The following SERPINE2 variants were observed in gnomAD, a reference collection of about 807,000 sequenced individuals.
SERPINE2 encodes the protein glia-derived nexin.
Under a neutral mutation model 36.3 loss-of-function variants are expected in SERPINE2, and 14 were observed. That is an observed-to-expected ratio of 0.39 (90% CI 0.25 to 0.60). The LOEUF is 0.60. Ranked by LOEUF, SERPINE2 falls within the 20% of genes least tolerant of loss-of-function variation. The pLI, the probability that SERPINE2 is intolerant of heterozygous loss-of-function variation, is 0.57. For synonymous variants in SERPINE2, 192 were observed against 191.8 expected, an observed-to-expected ratio of 1.00 and a Z score of -0.01; for missense variants, 418 against 499.6, an observed-to-expected ratio of 0.84 and a Z score of 1.56.
At chr2:224,023,391 A>G (rs1455671930) in intron 1 of SERPINE2, among the ~76,000 whole-genome samples, 1 of 152,214 alleles carries the variant, frequency 6.6e-6, no homozygotes, top group Non-Finnish European at 1.5e-5. Context: ...ATGCAGCACC[A>G]TTTGGTGATC....
rs965735029 is a variant in SERPINE2 at position 224,015,342 on chromosome 2, G to A, written c.-22-13420C>T. 2.6e-5 allele frequency among the ~76,000 whole-genome samples: 4 copies of A among 152,334 alleles called. No homozygotes were observed. The East Asian group carries it at 7.7e-4, about 29-fold the overall frequency. On this transcript the variant is annotated intron_variant, in intron 1 of 8. Coordinates refer to ENST00000409304, the MANE Select transcript of SERPINE2 (RefSeq NM_001136528.2). ...CACACCTGGGCCAGGGTGAGAGGCA[G>A]TGGCCAGGGAAGTGCTCCTGGGAAG...
intron 1 of SERPINE2, among the ~76,000 whole-genome samples, chr2:224,018,004 A>G (rs1691858606): frequency 6.6e-6 from 1 of 152,172 alleles, no homozygotes; most frequent in African/African-American, 2.4e-5. Context: ...TTTCTTTGTT[A>G]TTAGAGGGAG....
intron 1 of SERPINE2, among the ~76,000 whole-genome samples, chr2:224,037,833 A>G (rs1475483844): frequency 6.6e-6 from 1 of 152,234 alleles, no homozygotes; most frequent in African/African-American, 2.4e-5. Flanking sequence ...ATAAAATACG[A>G]TGACATTTTC....
At chr2:223,999,338 T>C (rs1574827304) in intron 2 of SERPINE2, among the ~76,000 whole-genome samples, 2 of 152,162 alleles carry the variant, frequency 1.3e-5, no homozygotes, top group African/African-American at 2.4e-5. Flanking sequence ...TAAAGAGAGC[T>C]CAAATTACAG....
At chr2:224,031,590 C>A (rs1304039850) in intron 1 of SERPINE2, 3 of 720,008 alleles carry the variant, frequency 4.2e-6, no homozygotes, top group Non-Finnish European at 3.4e-6. Context: ...AATCACAGGA[C>A]CTCACTCCTC....
intron 1 of SERPINE2, among the ~76,000 whole-genome samples, chr2:224,015,736 T>G (rs1235836789): frequency 6.6e-6 from 1 of 152,172 alleles, no homozygotes; most frequent in African/African-American, 2.4e-5. Context: ...AAACCCTAAG[T>G]TGACATTAAA....
At chr2:223,993,528 A>ATGTGTGTGTGTGTGTGTGTG (rs1344521820) in intron 3 of SERPINE2, among the ~76,000 whole-genome samples, 1 of 72,452 alleles carries the variant, frequency 1.4e-5, no homozygotes, top group African/African-American at 4.6e-5. Context: ...TAGCTCAAAT[A>ATGTGTGTGTGTGTGTGTGTG]TATGTGTGTG....
chr2:224,011,560 C>T (rs1240014106), intron 1 of SERPINE2, among the ~76,000 whole-genome samples: 1 of 152,164 alleles, frequency 6.6e-6, no homozygotes, highest in Non-Finnish European at 1.5e-5. Flanking sequence ...CCCTGATATG[C>T]CTATGGGCCT....
chr2:224,009,656 C>T (rs1416123765), intron 1 of SERPINE2, among the ~76,000 whole-genome samples: 1 of 151,948 alleles, frequency 6.6e-6, no homozygotes, highest in Non-Finnish European at 1.5e-5. Flanking sequence ...GATTGTGCTA[C>T]TGCACTCCAG....
chr2:224,026,243 G>A (rs1209705634), intron 1 of SERPINE2, among the ~76,000 whole-genome samples: 1 of 152,212 alleles, frequency 6.6e-6, no homozygotes, highest in African/African-American at 2.4e-5. Context: ...CTTTATACAA[G>A]TGGAAAATAA....
At position 224,035,507 on chromosome 2, in the gene SERPINE2, C is replaced by T. The variant is rs551428883; in HGVS notation, c.-23+3592G>A. On this transcript the variant is annotated intron_variant, in intron 1 of 8. Coordinates refer to ENST00000409304, the MANE Select transcript of SERPINE2 (RefSeq NM_001136528.2). ...AAGCGATTCTCCTGCCTCAGCCTCC[C>T]GAGTAGCTGGGATTATAGGCGCAGC... Among the ~76,000 whole-genome samples the T allele has an allele frequency of 8.8e-4, 134 of 152,216 alleles. 1 individual carries two copies. Among genetic ancestry groups the T allele is most frequent in the African/African-American group, 3.0e-3 (126 of 41,526 alleles).
Position 224,025,028 on chromosome 2 carries a change from G to A in SERPINE2, c.-23+14071C>T, listed in dbSNP as rs146830699. Among the ~76,000 whole-genome samples the A allele has an allele frequency of 8.5e-5, 13 of 152,286 alleles. No homozygotes were observed. In the East Asian group the frequency reaches 2.5e-3, roughly 29 times the overall value. The stretch of plus-strand genomic sequence containing the variant: ...AGTAGCTGCACAGAAGATGGGGGAA[G>A]AAACTTTCATAAAGCCCCTACTATG... On this transcript the variant is annotated intron_variant, in intron 1 of 8. Transcript: ENST00000409304.
Position 224,026,996 on chromosome 2 carries a change from A to T in SERPINE2, c.-23+12103T>A, listed in dbSNP as rs1055559803. Among the ~76,000 whole-genome samples, 3 of 152,324 alleles carry T rather than the reference A, an allele frequency of 2.0e-5. No individual in the cohort carries two copies. In the East Asian group the frequency reaches 5.8e-4, roughly 29 times the overall value. On this transcript the variant is annotated intron_variant, in intron 1 of 8. Coordinates refer to ENST00000409304, the MANE Select transcript of SERPINE2 (RefSeq NM_001136528.2). Reference sequence around the variant, plus strand: ...CAATTCTACAAAGTTTCGGGCAAAAAGGATTTAGTGGAGAGTCAAGTAAAA... The same window carrying T: ...CAATTCTACAAAGTTTCGGGCAAAATGGATTTAGTGGAGAGTCAAGTAAAA...
At chr2:224,022,145 C>T (rs11675207) in intron 1 of SERPINE2, among the ~76,000 whole-genome samples, 129,090 of 136,366 alleles carry the variant, frequency 0.95, 61,370 homozygotes, top group Non-Finnish European at 0.99. Flanking sequence ...GGCAACAGAG[C>T]GAGACTCCTT....
chr2:224,001,157 G>A (rs890188786), intron 2 of SERPINE2, among the ~76,000 whole-genome samples: 2 of 152,220 alleles, frequency 1.3e-5, no homozygotes, highest in African/African-American at 4.8e-5. Flanking sequence ...GGCTTGGGGA[G>A]GGGGGTCTGT....
chr2:223,995,162 T>G (rs535269834), intron 3 of SERPINE2, among the ~76,000 whole-genome samples: 2 of 151,994 alleles, frequency 1.3e-5, no homozygotes, highest in South Asian at 4.2e-4. Context: ...CAAGGATGAG[T>G]GAGTCTGCAG....
At chr2:223,984,117 C>T (rs1690335167) in intron 5 of SERPINE2, among the ~76,000 whole-genome samples, 1 of 151,918 alleles carries the variant, frequency 6.6e-6, no homozygotes, top group South Asian at 2.1e-4. Flanking sequence ...GGTGGGAAGG[C>T]AGCAATGTTG....
chr2:223,986,344 C>T (rs148795770), intron 4 of SERPINE2, among the ~76,000 whole-genome samples: 36 of 152,268 alleles, frequency 2.4e-4, no homozygotes, highest in African/African-American at 7.5e-4. Context: ...GGGTGCAGCT[C>T]GCCTCAGCTC....
At chr2:224,036,285 G>A (rs1692531553) in intron 1 of SERPINE2, among the ~76,000 whole-genome samples, 1 of 150,460 alleles carries the variant, frequency 6.6e-6, no homozygotes, top group Non-Finnish European at 1.5e-5. Flanking sequence ...CCAAGAGGTA[G>A]CAGAGATGCC....
Sources: allele counts gnomAD v4.1 joint callset (sites outside exome capture counted in the v4.1 genomes callset), GRCh38; gene constraint gnomAD v4.1.1; transcripts MANE v1.5; gene names NCBI Gene and HGNC (gene_info 2026-07-23, HGNC 2026-07-21).